Variants in ITGA2 observed in about 807,000 individuals in gnomAD.
ITGA2 encodes integrin subunit alpha 2.
A neutral mutation model predicts 146.3 loss-of-function variants in ITGA2; 101 were observed. The observed-to-expected ratio is 0.69, with a 90% CI of 0.59 to 0.81. ITGA2 has a LOEUF of 0.81. ITGA2 is among the 40% of genes least tolerant of loss of function. ITGA2 has a pLI of 0.00. For synonymous variants in ITGA2, 477 were observed against 487.1 expected, an observed-to-expected ratio of 0.98 and a Z score of 0.27; for missense variants, 1,281 against 1,402.7, an observed-to-expected ratio of 0.91 and a Z score of 1.39.
intron 1 of ITGA2, among the ~76,000 whole-genome samples, chr5:53,023,945 A>G (rs188022221): frequency 6.6e-5 from 10 of 152,238 alleles, no homozygotes; most frequent in African/African-American, 2.2e-4. Flanking sequence ...GAGGCAGGAT[A>G]TAAAGGGAAA....
rs970428096 is a variant in ITGA2, at chr5:53,094,169, T to C, written c.*3570T>C. ...TAAACTGAGATCCCTGATCCATCTT[T>C]AATATTTCAATTTGCACACATAAAA... On this transcript the variant is annotated 3_prime_UTR_variant, in exon 30 of 30. Transcript: ENST00000296585. The C allele has an allele frequency of 3.3e-5, 3 of 90,416 alleles. No homozygotes were observed. Among genetic ancestry groups the C allele is most frequent in the African/African-American group, 1.2e-4 (3 of 24,538 alleles). The allele number at this position is 90,416 out of a possible 1,614,324, so 5.6% of individuals were successfully genotyped here. A position where few individuals can be genotyped will look rare whatever the true frequency, so the allele number is the denominator to read the frequency against.
chr5:53,002,576 C>T (rs904239582), intron 1 of ITGA2, among the ~76,000 whole-genome samples: 1 of 152,140 alleles, frequency 6.6e-6, no homozygotes, highest in Admixed American at 6.5e-5. Context: ...TCCTGCCATG[C>T]CATGGTTAAC....
At chr5:53,033,434 T>C (rs1743331816) in intron 2 of ITGA2, among the ~76,000 whole-genome samples, 1 of 152,154 alleles carries the variant, frequency 6.6e-6, no homozygotes, top group Admixed American at 6.6e-5. Flanking sequence ...AATCATGTCT[T>C]TGTCTTTTAT....
At chr5:53,011,685 T>C (rs897798776) in intron 1 of ITGA2, among the ~76,000 whole-genome samples, 2 of 152,026 alleles carry the variant, frequency 1.3e-5, no homozygotes, top group Non-Finnish European at 2.9e-5. Flanking sequence ...AGAGTAATAG[T>C]GTTTAAAAAG....
intron 1 of ITGA2, among the ~76,000 whole-genome samples, chr5:52,990,857 G>A (rs930648801): frequency 6.6e-6 from 1 of 152,008 alleles, no homozygotes; most frequent in Non-Finnish European, 1.5e-5. Flanking sequence ...CCTAATCTAC[G>A]GATTTCAGGT....
rs968715009 is a variant in ITGA2 at position 53,091,513 on chromosome 5, T to C, written c.*914T>C. On this transcript the variant is annotated 3_prime_UTR_variant, in exon 30 of 30. Coordinates refer to ENST00000296585, the MANE Select transcript of ITGA2 (RefSeq NM_002203.4). ...AATTTCTGAAAGATGAGTAATTTCT[T>C]TGGCAACCTTCCTCCTCCCTTACTG... The C allele has an allele frequency of 2.0e-5, 3 of 152,208 alleles. No individual in the cohort carries two copies. Among genetic ancestry groups the C allele is most frequent in the Non-Finnish European group, 4.4e-5 (3 of 68,058 alleles). The allele number at this position is 152,208 out of a possible 1,614,324, so 9.4% of individuals were successfully genotyped here.
chr5:53,065,717 T>G, intron 14 of ITGA2, 124 bp from the exon 15 acceptor site: 1 of 1,252,798 alleles, frequency 8.0e-7, no homozygotes. Context: ...TCTTTAGAAT[T>G]TGTAGAGAAT....
At chr5:53,061,987 G>A (rs1419511492) in intron 12 of ITGA2, among the ~76,000 whole-genome samples, 1 of 151,818 alleles carries the variant, frequency 6.6e-6, no homozygotes, top group Non-Finnish European at 1.5e-5. Context: ...CAGTGACAGT[G>A]TTATGGAAGG....
intron 1 of ITGA2, among the ~76,000 whole-genome samples, chr5:53,004,582 C>T (rs934972645): frequency 2.6e-5 from 4 of 152,088 alleles, no homozygotes; most frequent in South Asian, 2.1e-4. Context: ...CTTCCAGAAG[C>T]TCTTCTTTCC....
At position 53,026,849 on chromosome 5, in the gene ITGA2, A is replaced by G. The variant is rs1467671432; in HGVS notation, c.166A>G (p.Ile56Val). The G allele has an allele frequency of 1.9e-6, 3 of 1,613,300 alleles. No homozygotes were observed. The South Asian group carries it at 3.3e-5, about 18-fold the overall frequency. Residue 56 changes from isoleucine (I) to valine (V), a missense_variant, in exon 2 of 30, where the codon ATA becomes GTA. Physicochemically the swap from Ile to Val is conservative, Grantham distance 29. This residue lies in a region of ITGA2 where 795 missense variants were observed against 841.7 expected (regional missense o/e 0.94). Coordinates refer to ENST00000296585, the MANE Select transcript of ITGA2 (RefSeq NM_002203.4). Reference protein sequence around the residue: ...EQFGYAVQQFINPKGNWLLVG... With the variant: ...EQFGYAVQQFVNPKGNWLLVG... ...GTTTGGCTATGCAGTGCAGCAGTTT[A>G]TAAATCCAAAAGGCAACTGGTAAGA...
chr5:52,997,013 G>T (rs1741297446), intron 1 of ITGA2, among the ~76,000 whole-genome samples: 1 of 152,182 alleles, frequency 6.6e-6, no homozygotes, highest in Non-Finnish European at 1.5e-5. Flanking sequence ...TAGAAAAGAA[G>T]TTGATGTCTA....
chr5:53,059,347 G>A (rs1044406058), intron 10 of ITGA2, among the ~76,000 whole-genome samples: 1 of 151,950 alleles, frequency 6.6e-6, no homozygotes, highest in South Asian at 2.1e-4. Context: ...CATTTGAGAA[G>A]GGGTCAGGAA....
At chr5:52,995,335 A>C (rs1428382049) in intron 1 of ITGA2, among the ~76,000 whole-genome samples, 2 of 152,208 alleles carry the variant, frequency 1.3e-5, no homozygotes, top group African/African-American at 2.4e-5. Flanking sequence ...AAGATCATTT[A>C]AGAAAGAATA....
intron 17 of ITGA2, among the ~76,000 whole-genome samples, 199 bp downstream of exon 17, chr5:53,070,459 A>G (rs1337294240): frequency 2.0e-5 from 3 of 151,978 alleles, no homozygotes; most frequent in African/African-American, 7.2e-5. Flanking sequence ...AGTCAGCAAC[A>G]TCAAATTTCA....
At chr5:53,068,487 T>C (rs3212562) in intron 16 of ITGA2, among the ~76,000 whole-genome samples, 1 of 151,888 alleles carries the variant, frequency 6.6e-6, no homozygotes, top group African/African-American at 2.4e-5. Flanking sequence ...CATAGAGGTG[T>C]CTCATGTATC....
chr5:53,038,467 C>T (rs1743609138), intron 2 of ITGA2, among the ~76,000 whole-genome samples: 1 of 152,160 alleles, frequency 6.6e-6, no homozygotes, highest in Non-Finnish European at 1.5e-5. Context: ...TGGATGTACC[C>T]TCCCAGGACA....
intron 1 of ITGA2, among the ~76,000 whole-genome samples, chr5:53,009,253 C>G (rs1349818757): frequency 6.6e-6 from 1 of 152,092 alleles, no homozygotes; most frequent in African/African-American, 2.4e-5. Flanking sequence ...GGTAGTCTCC[C>G]CCAAATATGT....
chr5:53,058,721 C>A (rs1370524768), intron 10 of ITGA2, among the ~76,000 whole-genome samples: 1 of 151,658 alleles, frequency 6.6e-6, no homozygotes, highest in African/African-American at 2.4e-5. Flanking sequence ...ATTTAAGGAA[C>A]AGTAGGAAAT....
chr5:53,050,589 G>T (rs1427081258), intron 6 of ITGA2, among the ~76,000 whole-genome samples: 2 of 152,128 alleles, frequency 1.3e-5, no homozygotes, highest in Non-Finnish European at 2.9e-5. Context: ...ATACTGACCT[G>T]TATTTCAGAG....
Sources: gnomAD v4.1 joint callset for allele counts (sites outside exome capture counted in the v4.1 genomes callset) on GRCh38, gnomAD v4.1.1 for gene constraint, gnomAD v4.1.1 regional missense constraint, MANE v1.5 for transcripts, NCBI Gene and HGNC (gene_info 2026-07-23, HGNC 2026-07-21) for gene names.